Variants in DSCAM observed in about 807,000 individuals in gnomAD.
DSCAM encodes cell adhesion molecule DSCAM.
Under a neutral mutation model 217.7 loss-of-function variants are expected in DSCAM, and 47 were observed. The observed-to-expected ratio is 0.22, with a 90% CI of 0.17 to 0.28. The LOEUF is 0.28. DSCAM is among the 10% of genes least tolerant of loss of function. The probability of loss-of-function intolerance (pLI) is 1.00; values close to 1 mark genes in which losing one functional copy is unlikely to be tolerated. For missense variants in DSCAM, 2,080 were observed against 2,618.3 expected (o/e 0.79, Z 4.49); for synonymous variants, 1,056 against 1,015.3 (o/e 1.04, Z -0.76).
At chr21:40,426,007 A>G (rs1376943764) in intron 3 of DSCAM, among the ~76,000 whole-genome samples, 2 of 152,202 alleles carry the variant, frequency 1.3e-5, no homozygotes, top group Admixed American at 6.5e-5. Context: ...TTGCTGGTCA[A>G]TCAAGAGCTT....
chr21:40,279,337 T>C (rs2073729151), intron 10 of DSCAM, among the ~76,000 whole-genome samples: 1 of 151,222 alleles, frequency 6.6e-6, no homozygotes, highest in South Asian at 2.1e-4. Context: ...ACTTAATTCA[T>C]ATGAGACTTT....
chr21:40,280,181 C>CTTT (rs3988427), intron 10 of DSCAM, among the ~76,000 whole-genome samples: 1,995 of 118,894 alleles, frequency 0.017, 134 homozygotes, highest in African/African-American at 0.061. Context: ...ATTTTGGTGC[C>CTTT]TTTTTTTTTT....
intron 3 of DSCAM, among the ~76,000 whole-genome samples, chr21:40,461,041 G>T (rs1205006919): frequency 1.3e-5 from 2 of 151,944 alleles, no homozygotes; most frequent in Non-Finnish European, 2.9e-5. Context: ...CAAAAGAATT[G>T]AACACAAAAT....
intron 2 of DSCAM, among the ~76,000 whole-genome samples, chr21:40,696,848 G>C (rs1051393735): frequency 2.6e-5 from 4 of 152,194 alleles, no homozygotes; most frequent in South Asian, 2.1e-4. Context: ...TGTATAAAAT[G>C]TATAATCATA....
At chr21:40,245,585 A>G (rs2073212726) in intron 11 of DSCAM, among the ~76,000 whole-genome samples, 1 of 152,126 alleles carries the variant, frequency 6.6e-6, no homozygotes, top group African/African-American at 2.4e-5. Context: ...GATGACATGA[A>G]TCTCTGCTTT....
rs190961455 is a variant in DSCAM, at chr21:40,345,412, T to C, written c.1210+2258A>G. Among the ~76,000 whole-genome samples, 267 of 152,310 alleles carry C rather than the reference T, an allele frequency of 1.8e-3. 2 individuals carry two copies. The highest frequency in any genetic ancestry group is 4.9e-3 in the African/African-American group (204 of 41,574). On this transcript the variant is annotated intron_variant, in intron 6 of 32. Coordinates refer to ENST00000400454, the MANE Select transcript of DSCAM (RefSeq NM_001389.5). ...TTTTGGTGTCTCTCAAATGTCTATA[T>C]ATACTTTTGCTTTTCCCAAAGTTTC... is the stretch of plus-strand genomic sequence containing the variant.
chr21:40,318,730 G>T (rs996604153), intron 8 of DSCAM, among the ~76,000 whole-genome samples: 2 of 152,216 alleles, frequency 1.3e-5, no homozygotes, highest in African/African-American at 4.8e-5. Context: ...TGATGAGGGA[G>T]TGATAAGGAT....
intron 3 of DSCAM, among the ~76,000 whole-genome samples, chr21:40,442,879 G>A (rs533143556): frequency 6.6e-6 from 1 of 152,198 alleles, no homozygotes; most frequent in East Asian, 1.9e-4. Context: ...AAATAATACA[G>A]GATACATCTG....
intron 3 of DSCAM, among the ~76,000 whole-genome samples, chr21:40,403,964 C>T (rs1018156720): frequency 2.0e-5 from 3 of 152,146 alleles, no homozygotes; most frequent in African/African-American, 7.2e-5. Flanking sequence ...ATCATGGCTA[C>T]AACTTACTGA....
chr21:40,462,860 G>A (rs1037478852), intron 3 of DSCAM, among the ~76,000 whole-genome samples: 1 of 152,134 alleles, frequency 6.6e-6, no homozygotes, highest in East Asian at 1.9e-4. Flanking sequence ...AAATGTGGGG[G>A]CCAGGAGAAG....
At chr21:40,571,803 T>C (rs2076808777) in intron 3 of DSCAM, among the ~76,000 whole-genome samples, 1 of 152,304 alleles carries the variant, frequency 6.6e-6, no homozygotes, top group Admixed American at 6.5e-5. Flanking sequence ...TTGGCCAGGC[T>C]GGTCTCAAAC....
chr21:40,565,950 C>T lies in DSCAM; in HGVS notation c.508+126860G>A, dbSNP rs1025325550. 5.3e-5 allele frequency among the ~76,000 whole-genome samples: 8 copies of T among 152,258 alleles called. No individual in the cohort carries two copies. In the East Asian group the frequency reaches 1.3e-3, roughly 26 times the overall value. On this transcript the variant is annotated intron_variant, in intron 3 of 32. Coordinates refer to ENST00000400454, the MANE Select transcript of DSCAM (RefSeq NM_001389.5). ...CATGTACCCTTTTATATCAACTTTA[C>T]ACCCCAGCCAAGAGAAGCTTCATGA...
At chr21:40,660,359 A>G (rs569456779) in intron 3 of DSCAM, among the ~76,000 whole-genome samples, 1 of 152,366 alleles carries the variant, frequency 6.6e-6, no homozygotes, top group South Asian at 2.1e-4. Context: ...GTCAACATTG[A>G]AAAACAAGGG....
intron 3 of DSCAM, among the ~76,000 whole-genome samples, chr21:40,519,244 G>C (rs2076339620): frequency 6.6e-6 from 1 of 152,052 alleles, no homozygotes; most frequent in Non-Finnish European, 1.5e-5. Flanking sequence ...ATAATACCCA[G>C]TTATTTCATC....
intron 3 of DSCAM, among the ~76,000 whole-genome samples, chr21:40,517,414 C>CACACACAG: frequency 6.7e-6 from 1 of 148,794 alleles, no homozygotes; most frequent in Non-Finnish European, 1.5e-5. Flanking sequence ...AACACACACA[C>CACACACAG]ACACACACAC....
In DSCAM at chr21:40,338,306, A is replaced by T; in HGVS notation, c.1578T>A (p.Arg526=). Residue 526 remains arginine (R), a synonymous_variant, in exon 8 of 33, where the codon CGT becomes CGA. Coordinates refer to ENST00000400454, the MANE Select transcript of DSCAM (RefSeq NM_001389.5). ...IAGRDTYIHC[R]VIGYPYYSIK... Reference sequence around the variant, plus strand: ...TGGAGTAATACGGATAGCCAATCACACGACAGTGAATGTATGTGTCCCGTC... The same window carrying T: ...TGGAGTAATACGGATAGCCAATCACTCGACAGTGAATGTATGTGTCCCGTC... 2 of 1,614,250 alleles carry T rather than the reference A, an allele frequency of 1.2e-6. No individual in the cohort carries two copies. The highest frequency in any genetic ancestry group is 1.7e-6 in the Non-Finnish European group (2 of 1,180,038).
intron 11 of DSCAM, among the ~76,000 whole-genome samples, chr21:40,200,637 TG>T (rs2091060178): frequency 6.6e-6 from 1 of 152,214 alleles, no homozygotes; most frequent in Non-Finnish European, 1.5e-5. Context: ...TGTAGAACTT[TG>T]CTAGAGAAAA....
At chr21:40,311,802 C>T (rs1372529449) in intron 9 of DSCAM, among the ~76,000 whole-genome samples, 1 of 152,044 alleles carries the variant, frequency 6.6e-6, no homozygotes, top group East Asian at 1.9e-4. Flanking sequence ...GCTTAGCATA[C>T]GGAAGCCTTA....
chr21:40,476,529 T>C (rs1333272091), intron 3 of DSCAM, among the ~76,000 whole-genome samples: 5 of 152,208 alleles, frequency 3.3e-5, no homozygotes, highest in African/African-American at 4.8e-5. Flanking sequence ...ATGTTTAAAA[T>C]AGAGTTTGCT....
Sources: allele counts gnomAD v4.1 joint callset (sites outside exome capture counted in the v4.1 genomes callset), GRCh38; gene constraint gnomAD v4.1.1; transcripts MANE v1.5; gene names NCBI Gene and HGNC (gene_info 2026-07-23, HGNC 2026-07-21).